The following BRAP variants were observed in gnomAD, a reference collection of about 807,000 sequenced individuals.
BRAP encodes the protein BRCA1-associated protein.
A neutral mutation model predicts 73.4 loss-of-function variants in BRAP; 42 were observed. The observed-to-expected ratio is 0.57, with a 90% CI of 0.45 to 0.74. BRAP has a LOEUF of 0.74. BRAP is among the 30% of genes least tolerant of loss of function. BRAP has a pLI of 0.00. For missense variants in BRAP, 593 were observed against 751.4 expected, an observed-to-expected ratio of 0.79 and a Z score of 2.46; for synonymous variants, 255 against 267.4, an observed-to-expected ratio of 0.95 and a Z score of 0.45.
intron 6 of BRAP, among the ~76,000 whole-genome samples, chr12:111,662,954 A>C (rs187459270): frequency 0.019 from 2,901 of 151,294 alleles, 34 homozygotes; most frequent in Middle Eastern, 0.045. Flanking sequence ...CTAAAAAAAA[A>C]AAAAAACAAA....
intron 5 of BRAP, among the ~76,000 whole-genome samples, chr12:111,670,733 G>A (rs1391303548): frequency 4.6e-5 from 7 of 151,456 alleles, no homozygotes; most frequent in South Asian, 4.3e-4. Flanking sequence ...CAAGTTATCC[G>A]CCCACCTTGG....
intron 6 of BRAP, among the ~76,000 whole-genome samples, chr12:111,662,718 G>A (rs1022470055): frequency 6.6e-6 from 1 of 152,082 alleles, no homozygotes. Flanking sequence ...GAAGACAGAA[G>A]ACAAACTCAA....
Position 111,672,755 on chromosome 12 carries a change from T to C in BRAP, c.653A>G (p.Tyr218Cys). 1 of 1,613,984 alleles carries C rather than the reference T, an allele frequency of 6.2e-7. No individual in the cohort carries two copies. Among genetic ancestry groups the C allele is most frequent in the Non-Finnish European group, 8.5e-7 (1 of 1,179,992 alleles). Reference sequence around the variant, plus strand: ...GAACTGGCGGCCATTGCATGTCATATAAAAACTATCCGCATCAGCCTATGT... The same window carrying C: ...GAACTGGCGGCCATTGCATGTCATACAAAAACTATCCGCATCAGCCTATGT... The part of the protein sequence containing the change: ...FRAQADADSF[Y>C]MTCNGRQFNS... The change falls in exon 5 of 12, where the codon TAT (tyrosine) becomes TGT (cysteine). Residue 218 changes from tyrosine (Y) to cysteine (C), a missense_variant. Tyr to Cys is a radical substitution (Grantham distance 194). This residue lies in a region of BRAP where 304 missense variants were observed against 337.7 expected (regional missense o/e 0.90). Coordinates refer to ENST00000419234, the MANE Select transcript of BRAP (RefSeq NM_006768.5).
chr12:111,655,832 A>AT (rs994019893), intron 9 of BRAP, among the ~76,000 whole-genome samples, 177 bp from the exon 10 acceptor site: 13 of 152,348 alleles, frequency 8.5e-5, no homozygotes, highest in African/African-American at 3.1e-4. Context: ...CACAAATGAC[A>AT]TTATGCTTCT....
At chr12:111,671,947 C>G (rs952474603) in intron 5 of BRAP, among the ~76,000 whole-genome samples, 1 of 152,076 alleles carries the variant, frequency 6.6e-6, no homozygotes, top group African/African-American at 2.4e-5. Flanking sequence ...GGCCTCCCAA[C>G]TCCTGTGCTC....
intron 6 of BRAP, among the ~76,000 whole-genome samples, chr12:111,662,422 T>C (rs945027573): frequency 1.3e-5 from 2 of 152,038 alleles, no homozygotes; most frequent in African/African-American, 2.4e-5. Context: ...TGGTAGCACA[T>C]GCCTGTAATC....
chr12:111,660,757 T>C (rs1323301754), intron 6 of BRAP, 82 bp from the exon 7 acceptor site: 1 of 1,120,152 alleles, frequency 8.9e-7, no homozygotes, highest in African/African-American at 1.6e-5. Context: ...AACACTGGAT[T>C]TTATATCCTC....
intron 5 of BRAP, among the ~76,000 whole-genome samples, chr12:111,670,969 G>A (rs1051697663): frequency 4.6e-5 from 7 of 152,130 alleles, no homozygotes; most frequent in Non-Finnish European, 8.8e-5. Context: ...GAGTGATGGC[G>A]CATGCCTATA....
At chr12:111,672,108 A>AG (rs1323756351) in intron 5 of BRAP, among the ~76,000 whole-genome samples, 2 of 152,136 alleles carry the variant, frequency 1.3e-5, no homozygotes, top group African/African-American at 4.8e-5. Context: ...CAGGAGGCTG[A>AG]GGCTAGCAGA....
At chr12:111,661,717 T>G (rs954376365) in intron 6 of BRAP, among the ~76,000 whole-genome samples, 5 of 151,376 alleles carry the variant, frequency 3.3e-5, no homozygotes, top group South Asian at 2.1e-4. Flanking sequence ...AAAAAGGTTT[T>G]TTTTTTTTTT....
In BRAP at chr12:111,642,147, A is replaced by C. The variant is rs1464218365; in HGVS notation, c.*2052T>G. 6.6e-6 allele frequency: 1 copy of C among 152,076 alleles called. No homozygotes were observed. The highest frequency in any genetic ancestry group is 2.4e-5 in the African/African-American group (1 of 41,412). 9.4% of individuals were successfully genotyped at this position (152,076 alleles called of 1,614,324 possible). A position where few individuals can be genotyped will look rare whatever the true frequency, so the allele number is the denominator to read the frequency against. On this transcript the variant is annotated 3_prime_UTR_variant, in exon 12 of 12. Transcript: ENST00000419234. ...ACACACATTTCACACGGGGCAGAAT[A>C]ATTTCAAAGTTTGGCTATTTTAATT...
chr12:111,685,363 G>A (rs551830949), intron 1 of BRAP, among the ~76,000 whole-genome samples: 2 of 152,366 alleles, frequency 1.3e-5, no homozygotes, highest in East Asian at 3.9e-4. Flanking sequence ...AATTAACCCA[G>A]GGACCGTCCA....
At chr12:111,647,944 C>T (rs1886170155) in intron 11 of BRAP, among the ~76,000 whole-genome samples, 1 of 151,696 alleles carries the variant, frequency 6.6e-6, no homozygotes, top group Non-Finnish European at 1.5e-5. Context: ...TGGTGCACAG[C>T]TGTAGTCCAG....
In BRAP at chr12:111,672,783, A is replaced by C. The variant is rs1887229895; in HGVS notation, c.634-9T>G. ...AAACTATCCGCATCAGCCTATGTAC[A>C]CCAATGGGGAAAAGGAAAAAAATTA... On this transcript the variant is annotated splice_polypyrimidine_tract_variant and intron_variant, in intron 4 of 11. Coordinates refer to ENST00000419234, the MANE Select transcript of BRAP (RefSeq NM_006768.5). The C allele has an allele frequency of 6.2e-7, 1 of 1,606,792 alleles. No homozygotes were observed.
chr12:111,644,582 G>A lies in BRAP; in HGVS notation c.1416-20C>T. 1.2e-6 allele frequency: 2 copies of A among 1,606,714 alleles called. No homozygotes were observed. Among genetic ancestry groups the A allele is most frequent in the Non-Finnish European group, 1.7e-6 (2 of 1,175,108 alleles). On this transcript the variant is annotated intron_variant, in intron 11 of 11. Transcript: ENST00000419234. Reference sequence around the variant, plus strand: ...GTGCACCTTTTGAAAAACAAAGGAAGACAAAAGCACATTTTTCATTTGCTG... The same window carrying A: ...GTGCACCTTTTGAAAAACAAAGGAAAACAAAAGCACATTTTTCATTTGCTG...
intron 4 of BRAP, among the ~76,000 whole-genome samples, chr12:111,678,159 G>C (rs1328238992): frequency 6.7e-6 from 1 of 149,226 alleles, no homozygotes; most frequent in Non-Finnish European, 1.5e-5. Flanking sequence ...GGCTGAGGCA[G>C]AATGGCTTGA....
intron 10 of BRAP, among the ~76,000 whole-genome samples, chr12:111,652,740 T>C (rs1428343607): frequency 6.6e-6 from 1 of 151,952 alleles, no homozygotes; most frequent in African/African-American, 2.4e-5. Context: ...AGATGGCGTC[T>C]CGCTCTGTTG....
intron 11 of BRAP, 31 bp from the exon 12 acceptor site, chr12:111,644,593 A>G (rs773106574): frequency 1.9e-6 from 3 of 1,601,530 alleles, no homozygotes; most frequent in Non-Finnish European, 2.6e-6. Context: ...ACAAAAGCAC[A>G]TTTTTCATTT....
At chr12:111,645,649 C>T (rs1279229452) in intron 11 of BRAP, among the ~76,000 whole-genome samples, 2 of 152,212 alleles carry the variant, frequency 1.3e-5, no homozygotes, top group East Asian at 3.9e-4. Context: ...TCTTGATGTC[C>T]AGTCTTACTC....
Sources: gnomAD v4.1 joint callset for allele counts (sites outside exome capture counted in the v4.1 genomes callset) on GRCh38, gnomAD v4.1.1 for gene constraint, gnomAD v4.1.1 regional missense constraint, MANE v1.5 for transcripts, NCBI Gene and HGNC (gene_info 2026-07-23, HGNC 2026-07-21) for gene names.